Variants in PTPRD observed in about 807,000 individuals in gnomAD.
PTPRD encodes the protein protein tyrosine phosphatase receptor type D.
PTPRD carries 34 observed loss-of-function variants against 214.5 expected under a neutral mutation model. The observed-to-expected ratio is 0.16, with a 90% CI of 0.12 to 0.21. The LOEUF (loss-of-function observed/expected upper bound fraction) is 0.21. Among genes scored for constraint, PTPRD ranks in the 10% least tolerant of loss-of-function variants. The pLI is 1.00. For synonymous variants in PTPRD, 1,128 were observed against 845.7 expected (o/e 1.33, Z -5.79); for missense variants, 2,545 against 2,398.7 (o/e 1.06, Z -1.27).
intron 10 of PTPRD, among the ~76,000 whole-genome samples, chr9:9,032,458 G>A (rs939300313): frequency 1.1e-4 from 16 of 151,984 alleles, no homozygotes; most frequent in African/African-American, 3.1e-4. Flanking sequence ...TGAAATGGAT[G>A]AAATGGGCAG....
intron 3 of PTPRD, among the ~76,000 whole-genome samples, chr9:10,047,570 A>G (rs957455590): frequency 5.3e-5 from 8 of 152,038 alleles, no homozygotes; most frequent in African/African-American, 1.9e-4. Context: ...CACTGCCCAC[A>G]TACTTTTTTG....
chr9:9,964,033 G>C (rs1042380086), intron 4 of PTPRD, among the ~76,000 whole-genome samples: 70 of 140,998 alleles, frequency 5.0e-4, no homozygotes, highest in African/African-American at 1.7e-3. Context: ...GAGAGACACA[G>C]ACAGAGCCAG....
intron 5 of PTPRD, among the ~76,000 whole-genome samples, chr9:9,825,790 C>T (rs902369969): frequency 6.6e-6 from 1 of 151,732 alleles, no homozygotes; most frequent in African/African-American, 2.4e-5. Context: ...ATTATGTTAC[C>T]ACATTTTCTT....
At chr9:10,579,114 C>T (rs547298497) in intron 2 of PTPRD, among the ~76,000 whole-genome samples, 1 of 151,980 alleles carries the variant, frequency 6.6e-6, no homozygotes, top group Non-Finnish European at 1.5e-5. Flanking sequence ...TGTTGTTCCC[C>T]TCCCTGTGTG....
intron 3 of PTPRD, among the ~76,000 whole-genome samples, chr9:10,109,138 T>G (rs1469510780): frequency 1.3e-5 from 2 of 152,206 alleles, no homozygotes; most frequent in Non-Finnish European, 2.9e-5. Flanking sequence ...GTTGATTCCT[T>G]AAAAATCTAA....
chr9:8,849,335 CCA>C (rs2097768626), intron 11 of PTPRD, among the ~76,000 whole-genome samples: 3 of 151,964 alleles, frequency 2.0e-5, no homozygotes, highest in Admixed American at 2.0e-4. Context: ...GCCACCATGT[CCA>C]GATAATTTTT....
intron 10 of PTPRD, among the ~76,000 whole-genome samples, chr9:9,148,942 TTAG>T (rs1248278646): frequency 6.6e-6 from 1 of 152,228 alleles, no homozygotes; most frequent in Non-Finnish European, 1.5e-5. Flanking sequence ...AGGTATGGTC[TTAG>T]TAGGCTAATA....
At chr9:9,442,162 T>C (rs1378620201) in intron 8 of PTPRD, 1 of 152,146 alleles carries the variant, frequency 6.6e-6, no homozygotes, top group African/African-American at 2.4e-5. Context: ...GCTATGCCGA[T>C]CGGGTGTCCG....
intron 10 of PTPRD, among the ~76,000 whole-genome samples, chr9:9,102,114 G>A (rs929214632): frequency 5.3e-5 from 8 of 152,182 alleles, no homozygotes; most frequent in South Asian, 2.1e-4. Context: ...TATTGGCTTC[G>A]TCTTTTATGT....
chr9:9,150,065 C>G (rs563227814), intron 10 of PTPRD, among the ~76,000 whole-genome samples: 11 of 152,238 alleles, frequency 7.2e-5, no homozygotes, highest in African/African-American at 2.6e-4. Context: ...CACCGGAGTC[C>G]CTAACATGTG....
rs183078016 is a variant in PTPRD at position 9,348,237 on chromosome 9, G to C, written c.-203+49212C>G. On this transcript the variant is annotated intron_variant, in intron 9 of 45. Coordinates refer to ENST00000381196, the MANE Select transcript of PTPRD (RefSeq NM_002839.4). ...AATTAGGTATTCTGTTGCTCTCTTTGGGTGATCTCAATTTACTTAAAAAAT... is the reference window on the plus strand; with the variant it reads ...AATTAGGTATTCTGTTGCTCTCTTTCGGTGATCTCAATTTACTTAAAAAAT... 2.4e-3 allele frequency among the ~76,000 whole-genome samples: 368 copies of C among 152,108 alleles called. 1 individual carries two copies. The highest frequency in any genetic ancestry group is 8.6e-3 in the African/African-American group (355 of 41,480).
intron 35 of PTPRD, among the ~76,000 whole-genome samples, chr9:8,423,390 C>T (rs1406356240): frequency 2.0e-5 from 3 of 152,136 alleles, no homozygotes; most frequent in Admixed American, 6.6e-5. Context: ...TCTTGAAATA[C>T]GGCAAGCATC....
intron 11 of PTPRD, among the ~76,000 whole-genome samples, chr9:8,886,850 G>A (rs1355145872): frequency 6.6e-6 from 1 of 152,156 alleles, no homozygotes; most frequent in African/African-American, 2.4e-5. Context: ...GGCGTTGTCA[G>A]GCCATGCTTC....
At chr9:9,711,580 C>G (rs2097730620) in intron 7 of PTPRD, among the ~76,000 whole-genome samples, 1 of 152,072 alleles carries the variant, frequency 6.6e-6, no homozygotes, top group Non-Finnish European at 1.5e-5. Flanking sequence ...TATACTATTT[C>G]TATTGGAGCT....
At chr9:10,517,335 T>C (rs1028421536) in intron 2 of PTPRD, among the ~76,000 whole-genome samples, 4 of 152,046 alleles carry the variant, frequency 2.6e-5, no homozygotes, top group Admixed American at 1.3e-4. Context: ...CTATGGTAAA[T>C]GGGATTGTTT....
intron 2 of PTPRD, among the ~76,000 whole-genome samples, chr9:10,453,305 T>G (rs74716613): frequency 3.3e-5 from 5 of 151,636 alleles, no homozygotes; most frequent in South Asian, 2.1e-4. Flanking sequence ...TCATGAGATT[T>G]TGTGGTTCCA....
chr9:9,719,991 C>T (rs2097908045), intron 7 of PTPRD, among the ~76,000 whole-genome samples: 2 of 152,100 alleles, frequency 1.3e-5, no homozygotes, highest in South Asian at 2.1e-4. Context: ...ACACCCTTGC[C>T]ACTCCACACC....
At chr9:8,500,213 G>C (rs930964570) in intron 24 of PTPRD, among the ~76,000 whole-genome samples, 2 of 151,972 alleles carry the variant, frequency 1.3e-5, no homozygotes, top group South Asian at 2.1e-4. Flanking sequence ...TGATTGTTGT[G>C]TGTTTTTTAA....
chr9:10,077,120 C>T (rs1243682097), intron 3 of PTPRD, among the ~76,000 whole-genome samples: 1 of 152,130 alleles, frequency 6.6e-6, no homozygotes, highest in African/African-American at 2.4e-5. Context: ...TTATTTCCCA[C>T]TCCTTATACA....
Sources: allele counts gnomAD v4.1 joint callset (sites outside exome capture counted in the v4.1 genomes callset), GRCh38; gene constraint gnomAD v4.1.1; transcripts MANE v1.5; gene names NCBI Gene and HGNC (gene_info 2026-07-23, HGNC 2026-07-21).